The following SLC4A4 variants were observed in gnomAD, a reference collection of about 807,000 sequenced individuals.
SLC4A4 encodes solute carrier family 4 member 4.
Under a neutral mutation model 111.5 loss-of-function variants are expected in SLC4A4, and 27 were observed. The observed-to-expected ratio is 0.24, with a 90% CI of 0.18 to 0.33. SLC4A4 has a LOEUF of 0.33. SLC4A4 is among the 10% of genes least tolerant of loss of function. The pLI is 1.00. For missense variants in SLC4A4, 909 were observed against 1,315.5 expected (o/e 0.69, Z 4.78); for synonymous variants, 443 against 463.4 (o/e 0.96, Z 0.57).
chr4:71,428,250 A>T (rs1427374238), intron 7 of SLC4A4, among the ~76,000 whole-genome samples: 1 of 152,142 alleles, frequency 6.6e-6, no homozygotes, highest in South Asian at 2.1e-4. Context: ...GCTCTCCCTT[A>T]CACTTTTGAG....
chr4:71,511,885 G>T (rs565677525), intron 16 of SLC4A4, among the ~76,000 whole-genome samples: 1 of 152,148 alleles, frequency 6.6e-6, no homozygotes, highest in East Asian at 1.9e-4. Flanking sequence ...TTCCGTGCCT[G>T]ACTTATTTCA....
chr4:71,481,065 T>TA (rs1417702838), intron 14 of SLC4A4, among the ~76,000 whole-genome samples: 1 of 151,730 alleles, frequency 6.6e-6, no homozygotes, highest in Non-Finnish European at 1.5e-5. Flanking sequence ...ATCTGCACAG[T>TA]AACCTTATGA....
chr4:71,522,797 A>G (rs917474719), intron 16 of SLC4A4, among the ~76,000 whole-genome samples: 2 of 152,220 alleles, frequency 1.3e-5, no homozygotes, highest in African/African-American at 4.8e-5. Context: ...AGGTAACATC[A>G]ATAGCTGTAA....
At chr4:71,281,466 T>G (rs1723509510) in intron 3 of SLC4A4, among the ~76,000 whole-genome samples, 1 of 152,184 alleles carries the variant, frequency 6.6e-6, no homozygotes, top group South Asian at 2.1e-4. Flanking sequence ...GAAACTAGTA[T>G]GAGCCCCGGT....
chr4:71,321,242 T>A (rs766664712), intron 3 of SLC4A4, among the ~76,000 whole-genome samples: 2 of 152,032 alleles, frequency 1.3e-5, no homozygotes, highest in Non-Finnish European at 2.9e-5. Context: ...ATTATGAACC[T>A]CTGCGTTAAA....
At chr4:71,362,730 G>T (rs1450785034) in intron 6 of SLC4A4, among the ~76,000 whole-genome samples, 1 of 151,932 alleles carries the variant, frequency 6.6e-6, no homozygotes, top group East Asian at 1.9e-4. Context: ...TGCTAAATGG[G>T]TGTCAGGGGG....
At chr4:71,180,641 C>T (rs1193963201) in intron 2 of SLC4A4, among the ~76,000 whole-genome samples, 2 of 152,130 alleles carry the variant, frequency 1.3e-5, no homozygotes, top group African/African-American at 4.8e-5. Flanking sequence ...AAATCAAAAC[C>T]ACAATGAGAT....
Position 71,244,773 on chromosome 4 carries a change from C to CTT in SLC4A4, c.73+8136_73+8137dup, listed in dbSNP as rs11440449. ...AAATTTAAGTAACTGATGGACCATG[C>CTT]TTTTTTTTTTTTTCTTTAAGCCGAT... On this transcript the variant is annotated intron_variant, in intron 2 of 25. Transcript: ENST00000264485. 2.5e-3 allele frequency among the ~76,000 whole-genome samples: 358 copies of CTT among 145,880 alleles called. 1 individual carries two copies. Among genetic ancestry groups the CTT allele is most frequent in the African/African-American group, 4.6e-3 (184 of 39,898 alleles).
intron 1 of SLC4A4, among the ~76,000 whole-genome samples, chr4:71,224,430 C>T (rs1283521923): frequency 6.6e-6 from 1 of 152,192 alleles, no homozygotes; most frequent in Non-Finnish European, 1.5e-5. Context: ...GGAGCTAGTC[C>T]TCCTGGGTTT....
intron 1 of SLC4A4, among the ~76,000 whole-genome samples, chr4:71,228,105 C>T (rs1445416993): frequency 6.6e-6 from 1 of 152,134 alleles, no homozygotes; most frequent in Non-Finnish European, 1.5e-5. Context: ...TTCATACCCT[C>T]CCCCACAGCA....
intron 1 of SLC4A4, among the ~76,000 whole-genome samples, chr4:71,078,603 G>A (rs1741911325): frequency 6.6e-6 from 1 of 152,092 alleles, no homozygotes; most frequent in South Asian, 2.1e-4. Context: ...AACACATTGA[G>A]TATCAAATTT....
At chr4:71,122,704 T>C (rs1054395032) in intron 2 of SLC4A4, among the ~76,000 whole-genome samples, 1 of 152,158 alleles carries the variant, frequency 6.6e-6, no homozygotes, top group African/African-American at 2.4e-5. Context: ...AATTGAACTG[T>C]CTCAGGCTTC....
At chr4:71,170,424 C>A (rs1035137364) in intron 2 of SLC4A4, among the ~76,000 whole-genome samples, 2 of 152,014 alleles carry the variant, frequency 1.3e-5, no homozygotes, top group Non-Finnish European at 2.9e-5. Context: ...GAAAACTTAC[C>A]CATATTTTAC....
At chr4:71,100,596 G>C (rs1268549167) in intron 2 of SLC4A4, among the ~76,000 whole-genome samples, 27 of 152,134 alleles carry the variant, frequency 1.8e-4, no homozygotes, top group Admixed American at 1.7e-3. Flanking sequence ...GGTCTGCCCA[G>C]AGCAGTCAGA....
At chr4:71,105,818 C>T (rs796590154) in intron 2 of SLC4A4, among the ~76,000 whole-genome samples, 975 of 80,492 alleles carry the variant, frequency 0.012, 10 homozygotes, top group East Asian at 0.057. Flanking sequence ...CCATAAAAAC[C>T]CTAGAAGAAA....
At chr4:71,461,506 C>A (rs769407712) in intron 12 of SLC4A4, among the ~76,000 whole-genome samples, 1 of 152,128 alleles carries the variant, frequency 6.6e-6, no homozygotes, top group Admixed American at 6.6e-5. Context: ...AAGTTGACAG[C>A]ATAGATTTTT....
At chr4:71,137,799 GT>G (rs756130219) in intron 2 of SLC4A4, among the ~76,000 whole-genome samples, 1 of 152,122 alleles carries the variant, frequency 6.6e-6, no homozygotes, top group African/African-American at 2.4e-5. Flanking sequence ...CAAGGAAAAC[GT>G]TTTTTTCGTT....
intron 1 of SLC4A4, among the ~76,000 whole-genome samples, chr4:71,072,131 T>G (rs1317440411): frequency 6.6e-6 from 1 of 152,198 alleles, no homozygotes; most frequent in Non-Finnish European, 1.5e-5. Context: ...GTTACAATCT[T>G]TTGTATAATA....
rs201509575 is a variant in SLC4A4 at position 71,452,641 on chromosome 4, G to A, written c.1323-854G>A. On this transcript the variant is annotated intron_variant, in intron 11 of 25. Coordinates refer to ENST00000264485, the MANE Select transcript of SLC4A4 (RefSeq NM_001098484.3). Reference sequence around the variant, plus strand: ...TCAGAATAGGGCATTCTAGGCAGAAGCCCTGGGGAAGACTGAGGTTTGAGG... The same window carrying A: ...TCAGAATAGGGCATTCTAGGCAGAAACCCTGGGGAAGACTGAGGTTTGAGG... Among the ~76,000 whole-genome samples the A allele has an allele frequency of 8.5e-5, 13 of 152,344 alleles. No homozygotes were observed. The East Asian group carries it at 2.5e-3, about 29-fold the overall frequency.
Sources: allele counts gnomAD v4.1 joint callset (sites outside exome capture counted in the v4.1 genomes callset), GRCh38; gene constraint gnomAD v4.1.1; transcripts MANE v1.5; gene names NCBI Gene and HGNC (gene_info 2026-07-23, HGNC 2026-07-21).